CPNE4: variants seen among roughly 807,000 people sequenced by gnomAD.
CPNE4 encodes the protein copine-4.
In CPNE4, 25 loss-of-function variants were observed where a neutral mutation model predicts 67.9. The ratio of observed to expected loss-of-function variants is 0.37; its 90% confidence interval spans 0.27 to 0.51. CPNE4 has a LOEUF of 0.51. Among genes scored for constraint, CPNE4 ranks in the 20% least tolerant of loss-of-function variants. CPNE4 has a pLI of 0.93. For synonymous variants in CPNE4, 242 were observed against 244.9 expected (o/e 0.99, Z 0.11); for missense variants, 464 against 690.8 (o/e 0.67, Z 3.68).
intron 2 of CPNE4, among the ~76,000 whole-genome samples, chr3:131,877,000 T>C (rs2107708545): frequency 6.6e-6 from 1 of 152,210 alleles, no homozygotes; most frequent in East Asian, 1.9e-4. Flanking sequence ...CAGCAAATAA[T>C]GTACTTTTTT....
At chr3:131,606,743 C>T (rs1176828976) in intron 7 of CPNE4, among the ~76,000 whole-genome samples, 1 of 152,110 alleles carries the variant, frequency 6.6e-6, no homozygotes, top group African/African-American at 2.4e-5. Context: ...CTCCTCACTG[C>T]AGAATTGGCT....
intron 15 of CPNE4, among the ~76,000 whole-genome samples, chr3:131,535,839 A>G (rs929119766): frequency 3.9e-5 from 6 of 152,218 alleles, no homozygotes; most frequent in African/African-American, 1.4e-4. Flanking sequence ...CTGAATCACA[A>G]TCTGCCTTTT....
At chr3:131,666,083 G>A (rs1376648054) in intron 7 of CPNE4, among the ~76,000 whole-genome samples, 7 of 152,002 alleles carry the variant, frequency 4.6e-5, no homozygotes, top group Non-Finnish European at 1.0e-4. Flanking sequence ...CAAGGAATAC[G>A]GAAGTGGGTA....
chr3:131,917,150 T>C (rs2089209695), intron 1 of CPNE4, among the ~76,000 whole-genome samples: 1 of 152,156 alleles, frequency 6.6e-6, no homozygotes, highest in Non-Finnish European at 1.5e-5. Flanking sequence ...AGGAAAGACC[T>C]TGGGGACAAT....
intron 2 of CPNE4, among the ~76,000 whole-genome samples, chr3:131,754,175 T>A (rs1401217123): frequency 6.6e-6 from 1 of 152,098 alleles, no homozygotes; most frequent in Non-Finnish European, 1.5e-5. Flanking sequence ...AAGCAAGGTA[T>A]AAGAAATGAT....
At chr3:131,622,678 T>C (rs1041392313) in intron 7 of CPNE4, among the ~76,000 whole-genome samples, 4 of 152,202 alleles carry the variant, frequency 2.6e-5, no homozygotes, top group African/African-American at 9.6e-5. Context: ...TGTTGGCTTC[T>C]ATGTATATGC....
intron 1 of CPNE4, among the ~76,000 whole-genome samples, chr3:131,962,733 TA>T (rs35814855): frequency 1.3e-3 from 189 of 150,156 alleles, no homozygotes; most frequent in East Asian, 1.8e-3. Flanking sequence ...CAGAAACAGT[TA>T]AAAAAAAAAT....
At chr3:131,601,318 G>A (rs996230596) in intron 7 of CPNE4, among the ~76,000 whole-genome samples, 10 of 152,030 alleles carry the variant, frequency 6.6e-5, no homozygotes, top group African/African-American at 2.2e-4. Context: ...AATAGACTAG[G>A]AATTGAGCTG....
intron 1 of CPNE4, among the ~76,000 whole-genome samples, chr3:132,014,116 A>C (rs1343328496): frequency 6.6e-6 from 1 of 152,174 alleles, no homozygotes; most frequent in African/African-American, 2.4e-5. Flanking sequence ...TCCTAAACAC[A>C]GCTAAGCTCT....
chr3:131,948,859 A>G (rs1460711265), intron 1 of CPNE4, among the ~76,000 whole-genome samples: 2 of 152,198 alleles, frequency 1.3e-5, no homozygotes, highest in African/African-American at 4.8e-5. Flanking sequence ...AATTCCATGC[A>G]GGAAAAAAAC....
At chr3:131,766,823 T>C (rs1167729745) in intron 2 of CPNE4, among the ~76,000 whole-genome samples, 1 of 152,188 alleles carries the variant, frequency 6.6e-6, no homozygotes, top group Non-Finnish European at 1.5e-5. Context: ...ACAGTTTTGT[T>C]CATCTGTTCA....
intron 1 of CPNE4, chr3:131,925,642 G>C (rs56412923): frequency 6.6e-6 from 1 of 152,100 alleles, no homozygotes; most frequent in African/African-American, 2.4e-5. Flanking sequence ...AGAAAGAAGA[G>C]AAAATACATC....
intron 1 of CPNE4, among the ~76,000 whole-genome samples, chr3:131,906,226 GTTTTGTTTTA>G (rs2088750656): frequency 6.6e-6 from 1 of 150,734 alleles, no homozygotes; most frequent in Non-Finnish European, 1.5e-5. Context: ...TTGTTGTTTT[GTTTTGTTTTA>G]TTTTGTTTTT....
chr3:131,883,255 C>A (rs58199656), intron 2 of CPNE4, among the ~76,000 whole-genome samples: 8,080 of 152,202 alleles, frequency 0.053, 385 homozygotes, highest in African/African-American at 0.13. Flanking sequence ...CTGGAAACAA[C>A]CTGCCCCTCC....
intron 7 of CPNE4, among the ~76,000 whole-genome samples, chr3:131,590,993 G>A (rs72999252): frequency 0.025 from 3,849 of 152,214 alleles, 85 homozygotes; most frequent in African/African-American, 0.065. Flanking sequence ...CAGTAATTTG[G>A]AAAATCACTC....
chr3:131,948,133 C>A (rs2071614784), intron 1 of CPNE4, among the ~76,000 whole-genome samples: 3 of 151,750 alleles, frequency 2.0e-5, no homozygotes, highest in Admixed American at 2.0e-4. Context: ...TTTTTTTATT[C>A]TTTTGGATGT....
intron 1 of CPNE4, among the ~76,000 whole-genome samples, chr3:131,960,927 G>A (rs1200331217): frequency 6.6e-6 from 1 of 152,128 alleles, no homozygotes; most frequent in African/African-American, 2.4e-5. Flanking sequence ...TTTCTCCACT[G>A]TAAACCCTGC....
chr3:132,002,101 C>T (rs1173988955), intron 1 of CPNE4, among the ~76,000 whole-genome samples: 2 of 152,100 alleles, frequency 1.3e-5, no homozygotes, highest in Non-Finnish European at 1.5e-5. Flanking sequence ...GTTAGGCTGC[C>T]AATCTTATCA....
chr3:131,953,527 C>G (rs960454407), intron 1 of CPNE4, among the ~76,000 whole-genome samples: 68 of 152,144 alleles, frequency 4.5e-4, no homozygotes, highest in African/African-American at 1.6e-3. Context: ...TATATATTAA[C>G]TTGCATATGT....
Sources: gnomAD v4.1 joint callset for allele counts (sites outside exome capture counted in the v4.1 genomes callset) on GRCh38, gnomAD v4.1.1 for gene constraint, MANE v1.5 for transcripts, NCBI Gene and HGNC (gene_info 2026-07-23, HGNC 2026-07-21) for gene names.